SUV39H2: variants seen among roughly 807,000 people sequenced by gnomAD.
SUV39H2 encodes the protein histone-lysine N-methyltransferase SUV39H2.
In SUV39H2, 10 loss-of-function variants were observed where a neutral mutation model predicts 47.5. The ratio of observed to expected loss-of-function variants is 0.21; its 90% CI spans 0.13 to 0.36. The LOEUF is 0.36. SUV39H2 is among the 10% of genes least tolerant of loss of function. The pLI is 1.00. For synonymous variants in SUV39H2, 159 were observed against 166.8 expected, an observed-to-expected ratio of 0.95 and a Z score of 0.36; for missense variants, 266 against 487.4, an observed-to-expected ratio of 0.55 and a Z score of 4.28.
In SUV39H2 at chr10:14,904,284, G is replaced by GACA. The variant is rs1834212613; in HGVS notation, c.*1773_*1775dup. The GACA allele has an allele frequency of 7.3e-6, 1 of 137,618 alleles. No homozygotes were observed. The highest frequency in any genetic ancestry group is 7.6e-5 in the Admixed American group (1 of 13,176). The allele number at this position is 137,618 out of a possible 1,614,324, so 8.5% of individuals were successfully genotyped here. A position where few individuals can be genotyped will look rare whatever the true frequency, so the allele number is the denominator to read the frequency against. On this transcript the variant is annotated 3_prime_UTR_variant, in exon 6 of 6. Coordinates refer to ENST00000354919, the MANE Select transcript of SUV39H2 (RefSeq NM_001193424.2). ...CATACCACTGCACTGCAGCCTGAGT[G>GACA]ACACAGTAAGACTGTCTCCAAAAAA...
intron 2 of SUV39H2, among the ~76,000 whole-genome samples, chr10:14,892,134 AG>A (rs1833408847): frequency 6.6e-6 from 1 of 152,232 alleles, no homozygotes; most frequent in Non-Finnish European, 1.5e-5. Context: ...AGGAGCAAGA[AG>A]GAAGTCTGAG....
chr10:14,900,506 G>T (rs188870556), intron 4 of SUV39H2, among the ~76,000 whole-genome samples: 17 of 152,288 alleles, frequency 1.1e-4, no homozygotes, highest in Admixed American at 9.2e-4. Flanking sequence ...ATTAAACATT[G>T]AAGAATTTTT....
intron 2 of SUV39H2, among the ~76,000 whole-genome samples, chr10:14,893,649 TATAAA>T (rs1238490702): frequency 2.0e-5 from 3 of 152,352 alleles, no homozygotes; most frequent in East Asian, 3.9e-4. Context: ...AAAATATGCT[TATAAA>T]ATAAAAGTCA....
chr10:14,902,313 A>T, intron 5 of SUV39H2, 93 bp from the exon 6 acceptor site: 1 of 782,258 alleles, frequency 1.3e-6, no homozygotes, highest in Non-Finnish European at 2.0e-6. Flanking sequence ...ACCCTCTATC[A>T]CTGATAATAA....
chr10:14,901,204 G>T lies in SUV39H2; in HGVS notation c.1068G>T (p.Leu356Phe), dbSNP rs768219577. 3.7e-6 allele frequency: 6 copies of T among 1,613,978 alleles called. No homozygotes were observed. The highest frequency in any genetic ancestry group is 4.2e-6 in the Non-Finnish European group (5 of 1,179,960). The change falls in exon 5 of 6, where the codon TTG (leucine) becomes TTT (phenylalanine). Residue 356 changes from leucine to phenylalanine, a missense_variant. Physicochemically the swap from Leu to Phe is conservative, Grantham distance 22. Transcript: ENST00000354919. The stretch of plus-strand genomic sequence containing the variant: ...ATACTCGTCTTCCCCGAATAGCATT[G>T]TTTTCCACAAGAACCATAAATGCTG... ...NLDTRLPRIA[L>F]FSTRTINAGE...
At chr10:14,893,723 T>C (rs1481468571) in intron 2 of SUV39H2, among the ~76,000 whole-genome samples, 1 of 152,240 alleles carries the variant, frequency 6.6e-6, no homozygotes. Flanking sequence ...GCTATAAGCA[T>C]TCATGTTTTA....
chr10:14,887,929 A>G (rs1380057275), intron 2 of SUV39H2, among the ~76,000 whole-genome samples: 1 of 152,200 alleles, frequency 6.6e-6, no homozygotes, highest in East Asian at 1.9e-4. Flanking sequence ...ATTTCGAGGC[A>G]GAAGACAGCC....
chr10:14,889,955 C>T (rs1435657093), intron 2 of SUV39H2, among the ~76,000 whole-genome samples: 1 of 152,130 alleles, frequency 6.6e-6, no homozygotes, highest in Non-Finnish European at 1.5e-5. Context: ...AGAACAAGAT[C>T]CTCTGTACAC....
At position 14,902,785 on chromosome 10, in the gene SUV39H2, C is replaced by T; in HGVS notation, c.*273C>T. On this transcript the variant is annotated 3_prime_UTR_variant, in exon 6 of 6. Transcript: ENST00000354919. Reference sequence around the variant, plus strand: ...CAGCTTAGTATATGTGTACTTAAGTCTATGTGAACAGAGAAATGCCTCCCG... The same window carrying T: ...CAGCTTAGTATATGTGTACTTAAGTTTATGTGAACAGAGAAATGCCTCCCG... 4.8e-6 allele frequency: 1 copy of T among 206,982 alleles called. No homozygotes were observed. The highest frequency in any genetic ancestry group is 5.4e-5 in the Admixed American group (1 of 18,482). 12.8% of individuals were successfully genotyped at this position (206,982 alleles called of 1,614,324 possible).
At position 14,899,536 on chromosome 10, in the gene SUV39H2, T is replaced by G; in HGVS notation, c.850-3T>G. 6.2e-7 allele frequency: 1 copy of G among 1,613,606 alleles called. No individual in the cohort carries two copies. The highest frequency in any genetic ancestry group is 8.5e-7 in the Non-Finnish European group (1 of 1,179,878). On this transcript the variant is annotated splice_region_variant and splice_polypyrimidine_tract_variant and intron_variant, in intron 3 of 5. Coordinates refer to ENST00000354919, the MANE Select transcript of SUV39H2 (RefSeq NM_001193424.2). Reference sequence around the variant, plus strand: ...TAATATACTTACAGTTTTTTCTGTTTAGGTAATCACAAGTGAAGAAGCTGA... The same window carrying G: ...TAATATACTTACAGTTTTTTCTGTTGAGGTAATCACAAGTGAAGAAGCTGA...
chr10:14,878,936 GC>G lies in SUV39H2; in HGVS notation c.31+22del, dbSNP rs764917204. On this transcript the variant is annotated intron_variant, in intron 1 of 5. Coordinates refer to ENST00000354919, the MANE Select transcript of SUV39H2 (RefSeq NM_001193424.2). ...CGCGAGGAGGTGAGGCTGGAGCGCGGCCCCCTCGCCTTCCCTGTTCCCAGGC... is the reference window on the plus strand; with the variant it reads ...CGCGAGGAGGTGAGGCTGGAGCGCGGCCCCTCGCCTTCCCTGTTCCCAGGC... 1.4e-6 allele frequency: 2 copies of G among 1,458,108 alleles called. No individual in the cohort carries two copies. The highest frequency in any genetic ancestry group is 2.6e-5 in the Admixed American group (1 of 38,120). 90.3% of individuals were successfully genotyped at this position (1,458,108 alleles called of 1,614,324 possible). A position where few individuals can be genotyped will look rare whatever the true frequency, so the allele number is the denominator to read the frequency against.
chr10:14,896,144 T>C (rs1019562049), intron 2 of SUV39H2, among the ~76,000 whole-genome samples: 1 of 152,132 alleles, frequency 6.6e-6, no homozygotes, highest in Non-Finnish European at 1.5e-5. Context: ...GGTTTTCCCA[T>C]GTTGCCCAGG....
At chr10:14,896,752 A>G in intron 2 of SUV39H2, 94 bp from the exon 3 acceptor site, 2 of 1,057,006 alleles carry the variant, frequency 1.9e-6, no homozygotes, top group Non-Finnish European at 2.7e-6. Context: ...GAAAAATGGT[A>G]TTGGATACCT....
intron 2 of SUV39H2, among the ~76,000 whole-genome samples, chr10:14,886,409 C>G (rs1348368198): frequency 6.6e-6 from 1 of 152,198 alleles, no homozygotes; most frequent in Admixed American, 6.5e-5. Context: ...GAACTTGTCG[C>G]ACTTTATGGT....
intron 2 of SUV39H2, among the ~76,000 whole-genome samples, chr10:14,885,769 T>C (rs990015968): frequency 6.6e-6 from 1 of 152,206 alleles, no homozygotes; most frequent in Non-Finnish European, 1.5e-5. Flanking sequence ...TTTCTCTTTC[T>C]TTTACAAATT....
At chr10:14,901,478 A>T (rs35207571) in intron 5 of SUV39H2, among the ~76,000 whole-genome samples, 62,011 of 152,064 alleles carry the variant, frequency 0.41, 14,590 homozygotes, top group African/African-American at 0.65. Flanking sequence ...CTACATCGTA[A>T]ATTTTCAGAA....
chr10:14,892,983 C>T (rs1209161282), intron 2 of SUV39H2, among the ~76,000 whole-genome samples: 3 of 150,030 alleles, frequency 2.0e-5, no homozygotes, highest in African/African-American at 4.9e-5. Flanking sequence ...ACCACCATGC[C>T]GAGCTAATTT....
rs149768762 is a variant in SUV39H2, at chr10:14,886,394, C to G, written c.177+4749C>G. Among the ~76,000 whole-genome samples, 7 of 152,310 alleles carry G rather than the reference C, an allele frequency of 4.6e-5. No individual in the cohort carries two copies. In the East Asian group the frequency reaches 1.2e-3, roughly 25 times the overall value. Reference sequence around the variant, plus strand: ...TTACAAAGCACCATTCTTGCCATTACTCTAGAACTTGTCGCACTTTATGGT... The same window carrying G: ...TTACAAAGCACCATTCTTGCCATTAGTCTAGAACTTGTCGCACTTTATGGT... On this transcript the variant is annotated intron_variant, in intron 2 of 5. Transcript: ENST00000354919.
chr10:14,881,420 A>G, intron 1 of SUV39H2, 80 bp from the exon 2 acceptor site: 3 of 1,203,640 alleles, frequency 2.5e-6, no homozygotes, highest in Non-Finnish European at 3.2e-6. Flanking sequence ...AAAGATGGGG[A>G]ATAGAGGTTT....
Sources: gnomAD v4.1 joint callset for allele counts (sites outside exome capture counted in the v4.1 genomes callset) on GRCh38, gnomAD v4.1.1 for gene constraint, MANE v1.5 for transcripts, NCBI Gene and HGNC (gene_info 2026-07-23, HGNC 2026-07-21) for gene names.